IQCJ: variants seen among roughly 807,000 people sequenced by gnomAD.
IQCJ encodes IQ domain-containing protein J.
Under a neutral mutation model 11.0 loss-of-function variants are expected in IQCJ, and 9 were observed. That is an observed-to-expected ratio of 0.82 (90% CI 0.49 to 1.43). The LOEUF (loss-of-function observed/expected upper bound fraction) is 1.43. IQCJ is among the 40% of genes most tolerant of loss of function. IQCJ has a pLI of 0.00. For synonymous variants in IQCJ, 55 were observed against 51.3 expected (o/e 1.07, Z -0.31); for missense variants, 146 against 133.2 (o/e 1.10, Z -0.47).
At chr3:159,120,987 A>G (rs1719337922) in intron 1 of IQCJ, among the ~76,000 whole-genome samples, 1 of 152,108 alleles carries the variant, frequency 6.6e-6, no homozygotes, top group African/African-American at 2.4e-5. Flanking sequence ...TGCAAATGCA[A>G]ATGTTAGTTG....
rs377658787 is a variant in IQCJ, at chr3:159,170,613, G to T, written c.10-75230G>T. Among the ~76,000 whole-genome samples, 5 of 151,208 alleles carry T rather than the reference G, an allele frequency of 3.3e-5. No individual in the cohort carries two copies. The East Asian group carries it at 9.7e-4, about 29-fold the overall frequency. ...ACACATTCCTCCTGACTCAGCCTAT[G>T]GTTCTTTCAGCCATTTCCAGCTCCT... On this transcript the variant is annotated intron_variant, in intron 1 of 3. Coordinates refer to ENST00000397832, the MANE Select transcript of IQCJ (RefSeq NM_001042706.3).
intron 1 of IQCJ, among the ~76,000 whole-genome samples, chr3:159,181,522 TG>T (rs1444582065): frequency 6.6e-6 from 1 of 150,940 alleles, no homozygotes; most frequent in Non-Finnish European, 1.5e-5. Flanking sequence ...CATGGCTGAC[TG>T]GGAAATCCAC....
intron 1 of IQCJ, among the ~76,000 whole-genome samples, chr3:159,076,368 C>T (rs571452095): frequency 6.6e-5 from 10 of 152,082 alleles, no homozygotes; most frequent in Non-Finnish European, 8.8e-5. Flanking sequence ...ATTAAATATA[C>T]ATGAATATTC....
chr3:159,177,374 T>C (rs1357037998), intron 1 of IQCJ, among the ~76,000 whole-genome samples: 1 of 152,214 alleles, frequency 6.6e-6, no homozygotes, highest in East Asian at 1.9e-4. Flanking sequence ...CAACGCCATG[T>C]GCTGACAAGG....
At chr3:159,220,569 T>A (rs1034035526) in intron 1 of IQCJ, among the ~76,000 whole-genome samples, 1 of 152,114 alleles carries the variant, frequency 6.6e-6, no homozygotes, top group Non-Finnish European at 1.5e-5. Context: ...CAGCCCCCAG[T>A]CTGTCATATT....
chr3:159,146,010 A>AAGGACAT (rs1431301618), intron 1 of IQCJ, among the ~76,000 whole-genome samples: 2 of 152,188 alleles, frequency 1.3e-5, no homozygotes, highest in African/African-American at 4.8e-5. Context: ...GAGAAAACTA[A>AAGGACAT]AGGACATACA....
chr3:159,200,864 C>T (rs1724289583), intron 1 of IQCJ, among the ~76,000 whole-genome samples: 1 of 152,048 alleles, frequency 6.6e-6, no homozygotes, highest in Non-Finnish European at 1.5e-5. Flanking sequence ...TGGTCGCAGG[C>T]TGAGGGCGGG....
chr3:159,174,937 A>G (rs1560013684), intron 1 of IQCJ, among the ~76,000 whole-genome samples: 1 of 152,154 alleles, frequency 6.6e-6, no homozygotes, highest in African/African-American at 2.4e-5. Context: ...AGCTGTGAAC[A>G]TTGTCAGCTT....
At chr3:159,260,181 T>G (rs2108232103) in intron 3 of IQCJ, among the ~76,000 whole-genome samples, 1 of 152,326 alleles carries the variant, frequency 6.6e-6, no homozygotes, top group South Asian at 2.1e-4. Flanking sequence ...GATGTTTAAG[T>G]GCAAATTCCT....
At chr3:159,105,250 T>C (rs1388716386) in intron 1 of IQCJ, among the ~76,000 whole-genome samples, 3 of 152,242 alleles carry the variant, frequency 2.0e-5, no homozygotes, top group Non-Finnish European at 2.9e-5. Context: ...TGTATGGTCA[T>C]ATTTTAGACT....
In IQCJ at chr3:159,204,275, C is replaced by T. The variant is rs111610231; in HGVS notation, c.10-41568C>T. On this transcript the variant is annotated intron_variant, in intron 1 of 3. Coordinates refer to ENST00000397832, the MANE Select transcript of IQCJ (RefSeq NM_001042706.3). ...TCCTTCTAGACTGCAGCCTCAGCTC[C>T]GATGGCTCAAATAACTGTAGATGAT... Among the ~76,000 whole-genome samples, 441 of 152,314 alleles carry T rather than the reference C, an allele frequency of 2.9e-3. 1 individual carries two copies. Among genetic ancestry groups the T allele is most frequent in the African/African-American group, 0.01 (422 of 41,558 alleles).
At chr3:159,182,780 T>A (rs9755625) in intron 1 of IQCJ, among the ~76,000 whole-genome samples, 49,279 of 139,930 alleles carry the variant, frequency 0.35, 8,531 homozygotes, top group Middle Eastern at 0.4. Context: ...TTATTTATTT[T>A]ATTTTTTTTC....
intron 1 of IQCJ, among the ~76,000 whole-genome samples, chr3:159,145,023 G>A (rs1720844865): frequency 6.6e-6 from 1 of 152,100 alleles, no homozygotes; most frequent in South Asian, 2.1e-4. Flanking sequence ...CTGTATCACT[G>A]AGCTTGAAGC....
At chr3:159,094,191 G>A (rs111609829) in intron 1 of IQCJ, among the ~76,000 whole-genome samples, 13 of 151,776 alleles carry the variant, frequency 8.6e-5, no homozygotes, top group African/African-American at 2.9e-4. Context: ...AGCTGCTATA[G>A]GTCCAGACCA....
At chr3:159,194,699 C>G (rs1041182661) in intron 1 of IQCJ, among the ~76,000 whole-genome samples, 9 of 152,162 alleles carry the variant, frequency 5.9e-5, no homozygotes, top group African/African-American at 1.9e-4. Context: ...ACCATTTGAT[C>G]TTTTCTTCCA....
At chr3:159,245,768 A>C in intron 1 of IQCJ, 75 bp from the exon 2 acceptor site, 1 of 1,293,602 alleles carries the variant, frequency 7.7e-7, no homozygotes, top group Non-Finnish European at 1.1e-6. Context: ...CAATTTTGCT[A>C]ACAGTTATGC....
chr3:159,227,973 G>A (rs910401329), intron 1 of IQCJ, among the ~76,000 whole-genome samples: 7 of 152,204 alleles, frequency 4.6e-5, no homozygotes, highest in Non-Finnish European at 7.3e-5. Context: ...TCAGGCTGGG[G>A]ATGAGAGCTT....
At chr3:159,108,553 T>A (rs1264753845) in intron 1 of IQCJ, among the ~76,000 whole-genome samples, 1 of 152,246 alleles carries the variant, frequency 6.6e-6, no homozygotes, top group Non-Finnish European at 1.5e-5. Context: ...AAATACCTTA[T>A]ACTCTATCAG....
intron 1 of IQCJ, among the ~76,000 whole-genome samples, chr3:159,219,549 A>G (rs905254376): frequency 6.6e-6 from 1 of 152,196 alleles, no homozygotes; most frequent in African/African-American, 2.4e-5. Context: ...AGGAGAAGGT[A>G]AATTTTGTAG....
Sources: allele counts gnomAD v4.1 joint callset (sites outside exome capture counted in the v4.1 genomes callset), GRCh38; gene constraint gnomAD v4.1.1; transcripts MANE v1.5; gene names NCBI Gene and HGNC (gene_info 2026-07-23, HGNC 2026-07-21).